RAB5A: variants seen among roughly 807,000 people sequenced by gnomAD.
RAB5A encodes RAB5A, member RAS oncogene family.
A neutral mutation model predicts 25.7 loss-of-function variants in RAB5A; 8 were observed. The observed-to-expected ratio is 0.31, with a 90% CI of 0.18 to 0.56. The LOEUF (loss-of-function observed/expected upper bound fraction) is 0.56, where lower values mean the gene tolerates loss of function less well. Among genes scored for constraint, RAB5A ranks in the 20% least tolerant of loss-of-function variants. RAB5A has a pLI of 0.91. For missense variants in RAB5A, 192 were observed against 259.7 expected (o/e 0.74, Z 1.79); for synonymous variants, 98 against 89.8 (o/e 1.09, Z -0.52).
intron 5 of RAB5A, chr3:19,980,033 A>G (rs1696892410): frequency 6.6e-6 from 1 of 152,256 alleles, no homozygotes; most frequent in Non-Finnish European, 1.5e-5. Flanking sequence ...GAAATGGGAA[A>G]GAACTTGCCT....
At chr3:19,969,908 A>G (rs982539351) in intron 2 of RAB5A, among the ~76,000 whole-genome samples, 15 of 152,002 alleles carry the variant, frequency 9.9e-5, no homozygotes, top group Admixed American at 9.8e-4. Context: ...GGTTCAAGTG[A>G]TTCTTCTGCC....
chr3:19,981,013 A>T (rs1696915185), intron 5 of RAB5A, among the ~76,000 whole-genome samples: 1 of 152,214 alleles, frequency 6.6e-6, no homozygotes, highest in Non-Finnish European at 1.5e-5. Flanking sequence ...GAGTAACCTG[A>T]GTCAAAGCTA....
chr3:19,952,678 A>G (rs900165582), intron 2 of RAB5A, among the ~76,000 whole-genome samples: 4 of 152,116 alleles, frequency 2.6e-5, no homozygotes, highest in African/African-American at 4.8e-5. Flanking sequence ...AGCATCATGG[A>G]GCTTTTATTT....
chr3:19,980,121 T>G (rs551310658), intron 5 of RAB5A: 1 of 152,320 alleles, frequency 6.6e-6, no homozygotes, highest in Non-Finnish European at 1.5e-5. Flanking sequence ...TGCGAAGGAT[T>G]GTGTGATAAT....
intron 2 of RAB5A, among the ~76,000 whole-genome samples, chr3:19,963,181 C>T (rs1047979687): frequency 2.6e-5 from 4 of 152,176 alleles, no homozygotes; most frequent in African/African-American, 9.7e-5. Context: ...AATAGTCACA[C>T]TACTGTGTTC....
intron 2 of RAB5A, among the ~76,000 whole-genome samples, chr3:19,962,732 C>T (rs1488957829): frequency 6.6e-6 from 1 of 152,180 alleles, no homozygotes; most frequent in Non-Finnish European, 1.5e-5. Flanking sequence ...TAGTACTGTA[C>T]TAAATAACAG....
intron 2 of RAB5A, among the ~76,000 whole-genome samples, chr3:19,967,147 A>ATT (rs11362045): frequency 5.7e-5 from 8 of 140,208 alleles, no homozygotes; most frequent in African/African-American, 1.6e-4. Context: ...TCCTTTGTCC[A>ATT]TTTTTTTTTT....
intron 2 of RAB5A, among the ~76,000 whole-genome samples, chr3:19,967,664 G>C (rs1412647564): frequency 2.0e-5 from 3 of 152,026 alleles, no homozygotes. Flanking sequence ...TTTCTTGTTA[G>C]GCTTTTGGAA....
intron 5 of RAB5A, among the ~76,000 whole-genome samples, chr3:19,979,530 C>G (rs1234570668): frequency 1.3e-5 from 2 of 151,970 alleles, no homozygotes; most frequent in East Asian, 3.9e-4. Context: ...TGTGATCCGC[C>G]CACGTCAGCC....
At chr3:19,968,357 A>G (rs558742115) in intron 2 of RAB5A, among the ~76,000 whole-genome samples, 100 of 152,184 alleles carry the variant, frequency 6.6e-4, no homozygotes, top group Non-Finnish European at 1.0e-4. Context: ...GCACATCGAA[A>G]TTTCCTTTTA....
At chr3:19,973,011 C>G (rs1696773740) in intron 2 of RAB5A, among the ~76,000 whole-genome samples, 2 of 152,168 alleles carry the variant, frequency 1.3e-5, no homozygotes, top group African/African-American at 4.8e-5. Context: ...TTGCCACACA[C>G]TTAATACTAT....
At chr3:19,951,764 T>A (rs1696428180) in intron 2 of RAB5A, among the ~76,000 whole-genome samples, 2 of 149,276 alleles carry the variant, frequency 1.3e-5, no homozygotes, top group Admixed American at 1.4e-4. Flanking sequence ...CTTGAACTCC[T>A]GGCCTCAAGT....
At chr3:19,974,765 G>GTGGTA (rs1214726369) in intron 2 of RAB5A, among the ~76,000 whole-genome samples, 3 of 150,046 alleles carry the variant, frequency 2.0e-5, no homozygotes, top group Admixed American at 6.6e-5. Context: ...TACTAATTTG[G>GTGGTA]TGGTAACTGA....
intron 1 of RAB5A, among the ~76,000 whole-genome samples, chr3:19,949,990 A>G (rs4858664): frequency 0.16 from 24,993 of 152,194 alleles, 2,705 homozygotes; most frequent in Non-Finnish European, 0.24. Flanking sequence ...GTGAGCTGTG[A>G]CCACGCCACT....
chr3:19,977,498 A>G (rs565039954), intron 4 of RAB5A, among the ~76,000 whole-genome samples: 2 of 152,338 alleles, frequency 1.3e-5, no homozygotes, highest in African/African-American at 2.4e-5. Flanking sequence ...CGTAGATGGA[A>G]TCCATGTATT....
chr3:19,957,152 C>T lies in RAB5A; in HGVS notation c.163+6091C>T, dbSNP rs548544398. On this transcript the variant is annotated intron_variant, in intron 2 of 5. Transcript: ENST00000273047. The stretch of plus-strand genomic sequence containing the variant: ...TGTTGGTGCCTAAGCTGGTCTCAAA[C>T]TCCTGGGCTACAGCAGTCCTCCCAC... 2.7e-5 allele frequency among the ~76,000 whole-genome samples: 4 copies of T among 147,948 alleles called. No homozygotes were observed. In the East Asian group the frequency reaches 7.7e-4, roughly 29 times the overall value.
chr3:19,982,194 A>T (rs1356086133), intron 5 of RAB5A, among the ~76,000 whole-genome samples: 1 of 152,116 alleles, frequency 6.6e-6, no homozygotes, highest in African/African-American at 2.4e-5. Context: ...GCTATGATTG[A>T]TGCACCACAC....
chr3:19,949,224 C>T (rs1466847047), intron 1 of RAB5A, among the ~76,000 whole-genome samples: 1 of 152,036 alleles, frequency 6.6e-6, no homozygotes, highest in Non-Finnish European at 1.5e-5. Context: ...GTAAATATTT[C>T]AGTATGTAAT....
In RAB5A at chr3:19,983,815, A is replaced by G. The variant is rs1265203602; in HGVS notation, c.640A>G (p.Ser214Gly). ...PTQPTRNQCC[S>G]N is the part of the protein sequence containing the mutation. ...ACAACCAACCAGGAATCAGTGTTGT[A>G]GTAACTAAACCTCTAGTTTGAACTA... Residue 214 changes from serine (S) to glycine (G), a missense_variant, in exon 6 of 6, where the codon AGT (serine) becomes GGT (glycine). Transcript: ENST00000273047. The G allele has an allele frequency of 6.3e-7, 1 of 1,595,070 alleles. No homozygotes were observed. The highest frequency in any genetic ancestry group is 2.3e-5 in the East Asian group (1 of 44,444).
Sources: allele counts gnomAD v4.1 joint callset (sites outside exome capture counted in the v4.1 genomes callset), GRCh38; gene constraint gnomAD v4.1.1; transcripts MANE v1.5; gene names NCBI Gene and HGNC (gene_info 2026-07-23, HGNC 2026-07-21).